Variants in ALDH18A1 observed in about 807,000 individuals in gnomAD.
ALDH18A1 encodes the protein aldehyde dehydrogenase 18 family member A1.
Under a neutral mutation model 88.8 loss-of-function variants are expected in ALDH18A1, and 44 were observed. That is an observed-to-expected ratio of 0.50 (90% CI 0.39 to 0.64). The LOEUF is 0.64. Ranked by LOEUF, ALDH18A1 falls within the 30% of genes least tolerant of loss-of-function variation. The pLI is 0.00. For missense variants in ALDH18A1, 782 were observed against 1,009.5 expected (o/e 0.77, Z 3.05); for synonymous variants, 331 against 372.1 (o/e 0.89, Z 1.27).
chr10:95,640,350 C>CTTT (rs34630368), intron 3 of ALDH18A1, among the ~76,000 whole-genome samples: 3 of 146,836 alleles, frequency 2.0e-5, no homozygotes, highest in Middle Eastern at 3.2e-3. Flanking sequence ...TCCCTTTTTT[C>CTTT]TTTTTTTTTT....
rs140881944 is a variant in ALDH18A1, at chr10:95,623,903, G to A, written c.1246+1459C>T. Among the ~76,000 whole-genome samples the A allele has an allele frequency of 7.1e-3, 1,081 of 151,982 alleles. 13 individuals are homozygous for A. Among genetic ancestry groups the A allele is most frequent in the African/African-American group, 0.025 (1,024 of 41,436 alleles). ...TTTTATAGAGACAAGGTTTCACCAT[G>A]TTGGCCAGGCTGGTCTCGAACTCAT... On this transcript the variant is annotated intron_variant, in intron 11 of 17. Transcript: ENST00000371224.
In ALDH18A1 at chr10:95,653,410, A is replaced by G; in HGVS notation, c.-28-5T>C. 6.2e-7 allele frequency: 1 copy of G among 1,610,254 alleles called. No homozygotes were observed. Among genetic ancestry groups the G allele is most frequent in the Non-Finnish European group, 8.5e-7 (1 of 1,176,840 alleles). On this transcript the variant is annotated splice_region_variant and splice_polypyrimidine_tract_variant and intron_variant, in intron 1 of 17. Coordinates refer to ENST00000371224, the MANE Select transcript of ALDH18A1 (RefSeq NM_002860.4). ...TGTGGTCACTAACCAAAGTATCTGC[A>G]GAATACATTTTTTAAAAAGTGAGTA...
Position 95,606,930 on chromosome 10 carries a change from T to C in ALDH18A1, c.2220A>G (p.Gly740=), listed in dbSNP as rs763340722. ...GYRFGLGAEV[G]ISTSRIHARG... The stretch of plus-strand genomic sequence containing the variant: ...GGGCGTGGATTCTCGATGTACTGAT[T>C]CCCACTTCAGCTCCTGTGAAAAAGC... Residue 740 remains glycine, a synonymous_variant, in exon 18 of 18, where the codon GGA becomes GGG. Coordinates refer to ENST00000371224, the MANE Select transcript of ALDH18A1 (RefSeq NM_002860.4). The C allele has an allele frequency of 1.2e-6, 2 of 1,613,908 alleles. No individual in the cohort carries two copies. Among genetic ancestry groups the C allele is most frequent in the Admixed American group, 1.7e-5 (1 of 59,988 alleles).
chr10:95,621,149 C>T lies in ALDH18A1; in HGVS notation c.1349G>A (p.Ser450Asn). The stretch of plus-strand genomic sequence containing the variant: ...GGTGCGGCGCAAAACACGTCCCACG[C>T]TGTCCTGGGAGGAGGCTGCGATCTG... Reference protein sequence around the residue: ...LRQIAASSQDSVGRVLRRTRI... With the variant: ...LRQIAASSQDNVGRVLRRTRI... Residue 450 changes from serine (S) to asparagine (N), a missense_variant, in exon 12 of 18, where the codon AGC becomes AAC. By Grantham distance (46) the Ser-to-Asn change is conservative. Transcript: ENST00000371224. 6.2e-7 allele frequency: 1 copy of T among 1,614,054 alleles called. No homozygotes were observed. The highest frequency in any genetic ancestry group is 8.5e-7 in the Non-Finnish European group (1 of 1,180,026).
chr10:95,627,927 C>G lies in ALDH18A1; in HGVS notation c.934-341G>C, dbSNP rs2097862730. ...CAACAGGCTGGAGTTTGACCAGAGT[C>G]TGATCTTGAGTACTTCTGGCTTTTC... On this transcript the variant is annotated intron_variant, in intron 8 of 17. Transcript: ENST00000371224. Among the ~76,000 whole-genome samples, 4 of 152,356 alleles carry G rather than the reference C, an allele frequency of 2.6e-5. No homozygotes were observed. In the South Asian group the frequency reaches 8.3e-4, roughly 32 times the overall value.
intron 7 of ALDH18A1, among the ~76,000 whole-genome samples, chr10:95,630,320 C>T (rs1451309941): frequency 6.6e-6 from 1 of 152,186 alleles, no homozygotes; most frequent in Non-Finnish European, 1.5e-5. Context: ...CTGGGTTAGC[C>T]TACCCACTAC....
intron 17 of ALDH18A1, among the ~76,000 whole-genome samples, chr10:95,609,844 C>T (rs924625668): frequency 1.4e-5 from 2 of 140,770 alleles, no homozygotes; most frequent in Admixed American, 7.9e-5. Flanking sequence ...CTCGGGCTCA[C>T]CGCAACCTCT....
intron 16 of ALDH18A1, 149 bp from the exon 17 acceptor site, chr10:95,610,441 TG>T: frequency 1.4e-6 from 1 of 703,194 alleles, no homozygotes. Context: ...CTCAGGCTTA[TG>T]AAAAATCTCA....
chr10:95,633,370 T>C, intron 6 of ALDH18A1, 121 bp downstream of exon 6: 1 of 1,295,436 alleles, frequency 7.7e-7, no homozygotes, highest in Non-Finnish European at 1.1e-6. Context: ...CACTGCTCCA[T>C]GACAAGTTTC....
In ALDH18A1 at chr10:95,633,619, C is replaced by G. The variant is rs201691969; in HGVS notation, c.589G>C (p.Glu197Gln). 264 of 1,613,910 alleles carry G rather than the reference C, an allele frequency of 1.6e-4. No individual in the cohort carries two copies. The highest frequency in any genetic ancestry group is 2.2e-4 in the Non-Finnish European group (256 of 1,180,014). ...ILVTNLDFHD[E>Q]QKRRNLNGTL... ...CCATTGAGGTTCCGGCGCTTCTGCT[C>G]ATCATGGAAATCCAAATTGGTCACC... Residue 197 changes from glutamate (E) to glutamine (Q), a missense_variant, in exon 6 of 18, where the codon GAG (glutamate) becomes CAG (glutamine). This residue lies in a region of ALDH18A1 where 132 missense variants were observed against 255.5 expected (regional missense o/e 0.52). Coordinates refer to ENST00000371224, the MANE Select transcript of ALDH18A1 (RefSeq NM_002860.4).
intron 2 of ALDH18A1, among the ~76,000 whole-genome samples, chr10:95,651,644 G>A (rs1032488817): frequency 2.0e-5 from 3 of 152,128 alleles, no homozygotes; most frequent in East Asian, 1.9e-4. Flanking sequence ...AGAAGAGAGA[G>A]TGAGGGGGTG....
intron 2 of ALDH18A1, among the ~76,000 whole-genome samples, chr10:95,650,015 G>A (rs746382096): frequency 1.3e-4 from 20 of 151,972 alleles, no homozygotes; most frequent in African/African-American, 2.2e-4. Flanking sequence ...AGCCTTGATC[G>A]TGCCACTATG....
At chr10:95,627,632 T>G in intron 8 of ALDH18A1, 46 bp from the exon 9 acceptor site, 1 of 1,609,118 alleles carries the variant, frequency 6.2e-7, no homozygotes, top group Non-Finnish European at 8.5e-7. Flanking sequence ...TCAGACCTAT[T>G]CACCCACATT....
intron 2 of ALDH18A1, among the ~76,000 whole-genome samples, chr10:95,652,134 T>C (rs1278618429): frequency 2.0e-5 from 3 of 152,236 alleles, no homozygotes; most frequent in Non-Finnish European, 4.4e-5. Flanking sequence ...GGTTACATAC[T>C]GGATAATTCC....
At chr10:95,641,499 G>T (rs1286938221) in intron 3 of ALDH18A1, among the ~76,000 whole-genome samples, 41 of 76,404 alleles carry the variant, frequency 5.4e-4, no homozygotes, top group East Asian at 1.6e-3. Flanking sequence ...GGTGTTTTTT[G>T]TTTTTTTTTT....
chr10:95,633,199 C>T (rs534229817), intron 6 of ALDH18A1, 150 bp from the exon 7 acceptor site: 6 of 777,936 alleles, frequency 7.7e-6, no homozygotes, highest in Non-Finnish European at 1.1e-5. Flanking sequence ...CTTGCAGGCC[C>T]CTTCTGTCTG....
Position 95,631,464 on chromosome 10 carries a change from G to A in ALDH18A1, c.808+1495C>T, listed in dbSNP as rs532049832. On this transcript the variant is annotated intron_variant, in intron 7 of 17. Transcript: ENST00000371224. ...AAGGCAGATAAAAACAACTGAATAG[G>A]CCGGGCGCGGTGGCTCACACCTGTA... is the stretch of plus-strand genomic sequence containing the variant. 1.8e-4 allele frequency among the ~76,000 whole-genome samples: 28 copies of A among 152,142 alleles called. 2 individuals are homozygous for A. The South Asian group carries it at 5.6e-3, about 31-fold the overall frequency.
Position 95,621,236 on chromosome 10 carries a change from G to A in ALDH18A1, c.1262C>T (p.Pro421Leu), listed in dbSNP as rs1465407653. ...LEEAEGRLAAPLLKRLSLSTS... is the reference protein window; with the variant it reads ...LEEAEGRLAALLLKRLSLSTS... ...GGAGAGGCTTAAACGTTTCAGCAGA[G>A]GAGCTGCAAGTCTCCCTGAAAAGCC... Residue 421 changes from proline to leucine, a missense_variant, in exon 12 of 18, where the codon CCT becomes CTT. Transcript: ENST00000371224. 1.2e-6 allele frequency: 2 copies of A among 1,613,204 alleles called. No individual in the cohort carries two copies. The highest frequency in any genetic ancestry group is 1.7e-5 in the Admixed American group (1 of 59,964).
chr10:95,628,008 C>T (rs550997041), intron 8 of ALDH18A1, among the ~76,000 whole-genome samples: 3 of 152,254 alleles, frequency 2.0e-5, no homozygotes, highest in East Asian at 1.9e-4. Context: ...CTGTACCTTA[C>T]GGGTATAACT....
Sources: gnomAD v4.1 joint callset for allele counts (sites outside exome capture counted in the v4.1 genomes callset) on GRCh38, gnomAD v4.1.1 for gene constraint, gnomAD v4.1.1 regional missense constraint, MANE v1.5 for transcripts, NCBI Gene and HGNC (gene_info 2026-07-23, HGNC 2026-07-21) for gene names.